The following LPGAT1 variants were observed in gnomAD, a reference collection of about 807,000 sequenced individuals.
LPGAT1 encodes acyl-CoA:lysophosphatidylglycerol acyltransferase 1.
In LPGAT1, 11 loss-of-function variants were observed where a neutral mutation model predicts 47.5. That is an observed-to-expected ratio of 0.23 (90% confidence interval 0.15 to 0.38). The LOEUF is 0.38. Among genes scored for constraint, LPGAT1 ranks in the 10% least tolerant of loss-of-function variants. LPGAT1 has a pLI of 1.00. For missense variants in LPGAT1, 293 were observed against 439.0 expected, an observed-to-expected ratio of 0.67 and a Z score of 2.97; for synonymous variants, 138 against 144.2, an observed-to-expected ratio of 0.96 and a Z score of 0.31.
chr1:211,787,264 G>A (rs1571729834), intron 4 of LPGAT1, among the ~76,000 whole-genome samples: 1 of 152,130 alleles, frequency 6.6e-6, no homozygotes, highest in East Asian at 1.9e-4. Flanking sequence ...GAGGCCAGGC[G>A]GGTGGATCAC....
chr1:211,782,374 T>C (rs1199514456), intron 5 of LPGAT1, among the ~76,000 whole-genome samples: 2 of 152,252 alleles, frequency 1.3e-5, no homozygotes, highest in Non-Finnish European at 2.9e-5. Flanking sequence ...GTGGAATAAC[T>C]GAGTCATTTA....
chr1:211,829,318 G>A lies in LPGAT1; in HGVS notation c.-22C>T. On this transcript the variant is annotated 5_prime_UTR_variant, in exon 2 of 8. Coordinates refer to ENST00000366997, the MANE Select transcript of LPGAT1 (RefSeq NM_014873.3). Reference sequence around the variant, plus strand: ...CCATTCTCACACTGGACTCCGTCCTGTCTTTCTGGGGTGAAAGAAAAATTC... The same window carrying A: ...CCATTCTCACACTGGACTCCGTCCTATCTTTCTGGGGTGAAAGAAAAATTC... 1.9e-6 allele frequency: 3 copies of A among 1,612,594 alleles called. No individual in the cohort carries two copies. Among genetic ancestry groups the A allele is most frequent in the Non-Finnish European group, 2.5e-6 (3 of 1,178,964 alleles).
chr1:211,751,528 T>G lies in LPGAT1; in HGVS notation c.855-461A>C, dbSNP rs138829260. Reference sequence around the variant, plus strand: ...ACAGAGACTCTGCCCAAATCGGTAATATCAGTAGTATCAGAGATACTGCTT... The same window carrying G: ...ACAGAGACTCTGCCCAAATCGGTAAGATCAGTAGTATCAGAGATACTGCTT... On this transcript the variant is annotated intron_variant, in intron 6 of 7. Transcript: ENST00000366997. 7.3e-3 allele frequency among the ~76,000 whole-genome samples: 1,116 copies of G among 152,250 alleles called. 19 individuals are homozygous for G. The highest frequency in any genetic ancestry group is 0.025 in the African/African-American group (1,048 of 41,534).
At chr1:211,780,704 C>T (rs1658605704) in intron 5 of LPGAT1, among the ~76,000 whole-genome samples, 1 of 152,076 alleles carries the variant, frequency 6.6e-6, no homozygotes, top group South Asian at 2.1e-4. Flanking sequence ...AAGAAACACA[C>T]TTTACCAAGC....
chr1:211,761,050 C>T (rs1421772085), intron 6 of LPGAT1, among the ~76,000 whole-genome samples: 2 of 152,052 alleles, frequency 1.3e-5, no homozygotes, highest in Admixed American at 6.6e-5. Context: ...TAACTATTCA[C>T]CTTTACCATC....
At chr1:211,822,193 T>C (rs1660385972) in intron 2 of LPGAT1, among the ~76,000 whole-genome samples, 1 of 152,220 alleles carries the variant, frequency 6.6e-6, no homozygotes. Flanking sequence ...ACACTACAAA[T>C]ACTGCCCCCT....
At chr1:211,762,844 A>C (rs1657754937) in intron 6 of LPGAT1, among the ~76,000 whole-genome samples, 1 of 152,228 alleles carries the variant, frequency 6.6e-6, no homozygotes, top group Admixed American at 6.5e-5. Flanking sequence ...GAGTTGGAGC[A>C]TTTGAATTTT....
intron 4 of LPGAT1, among the ~76,000 whole-genome samples, chr1:211,784,653 GAAAGT>G (rs1417038738): frequency 6.6e-6 from 1 of 152,008 alleles, no homozygotes; most frequent in East Asian, 1.9e-4. Context: ...GGAAAAATGT[GAAAGT>G]AAAGCTAAAA....
At chr1:211,813,306 C>G (rs1197962925) in intron 2 of LPGAT1, among the ~76,000 whole-genome samples, 1 of 152,152 alleles carries the variant, frequency 6.6e-6, no homozygotes, top group South Asian at 2.1e-4. Context: ...CCAGGCTCCA[C>G]CCCGATGTAC....
At chr1:211,793,521 C>A (rs746010471) in intron 2 of LPGAT1, among the ~76,000 whole-genome samples, 10 of 151,910 alleles carry the variant, frequency 6.6e-5, no homozygotes, top group Non-Finnish European at 1.3e-4. Context: ...CAACCTCTAC[C>A]TCCCGGGTTC....
chr1:211,752,783 A>G (rs138567961), intron 6 of LPGAT1, among the ~76,000 whole-genome samples: 1 of 152,350 alleles, frequency 6.6e-6, no homozygotes, highest in African/African-American at 2.4e-5. Context: ...ACTTTGGAAT[A>G]CTGACTTCCA....
At chr1:211,771,518 T>C (rs923703974) in intron 6 of LPGAT1, among the ~76,000 whole-genome samples, 2 of 152,168 alleles carry the variant, frequency 1.3e-5, no homozygotes, top group Non-Finnish European at 2.9e-5. Flanking sequence ...ATTATTATTT[T>C]TTTGAGACAG....
intron 6 of LPGAT1, among the ~76,000 whole-genome samples, chr1:211,757,210 T>C (rs1319156750): frequency 1.3e-5 from 2 of 150,948 alleles, no homozygotes; most frequent in African/African-American, 2.4e-5. Flanking sequence ...GCCGAGATCG[T>C]ACCACTGTAC....
intron 6 of LPGAT1, among the ~76,000 whole-genome samples, chr1:211,758,483 A>T (rs938379511): frequency 5.9e-5 from 9 of 152,198 alleles, no homozygotes; most frequent in African/African-American, 1.9e-4. Context: ...TGGGCAGACC[A>T]CAGGGGTCAG....
At chr1:211,812,090 A>G (rs1660010334) in intron 2 of LPGAT1, among the ~76,000 whole-genome samples, 1 of 152,176 alleles carries the variant, frequency 6.6e-6, no homozygotes, top group African/African-American at 2.4e-5. Flanking sequence ...ATGTGTAAGC[A>G]CTTGTTAAAC....
chr1:211,812,094 G>A (rs1308253438), intron 2 of LPGAT1, among the ~76,000 whole-genome samples: 1 of 152,176 alleles, frequency 6.6e-6, no homozygotes, highest in Non-Finnish European at 1.5e-5. Context: ...GTAAGCACTT[G>A]TTAAACGGCC....
At chr1:211,783,621 C>A (rs887401600) in intron 4 of LPGAT1, 119 bp from the exon 5 acceptor site, 3 of 804,334 alleles carry the variant, frequency 3.7e-6, no homozygotes, top group Non-Finnish European at 5.5e-6. Context: ...ATAGTGATTC[C>A]CCCACCCCAC....
chr1:211,756,563 G>A (rs1000768592), intron 6 of LPGAT1, among the ~76,000 whole-genome samples: 1 of 152,006 alleles, frequency 6.6e-6, no homozygotes, highest in Non-Finnish European at 1.5e-5. Flanking sequence ...CGAACTCCTG[G>A]GCTCAAGAGA....
intron 6 of LPGAT1, among the ~76,000 whole-genome samples, chr1:211,760,146 T>C (rs371099467): frequency 6.6e-6 from 1 of 152,198 alleles, no homozygotes; most frequent in East Asian, 1.9e-4. Flanking sequence ...TGGAAATCCA[T>C]CCATGAAGTC....
Sources: allele counts gnomAD v4.1 joint callset (sites outside exome capture counted in the v4.1 genomes callset), GRCh38; gene constraint gnomAD v4.1.1; transcripts MANE v1.5; gene names NCBI Gene and HGNC (gene_info 2026-07-23, HGNC 2026-07-21).